LINC00632: variants seen among roughly 807,000 people sequenced by gnomAD.
LINC00632 encodes long independently transcribed non-coding RNA 632.
chrX:140,743,546 G>A (rs1186992779), intron 3 of LINC00632, among the ~76,000 whole-genome samples: 3 of 110,599 alleles, frequency 2.7e-5, no homozygotes, highest in African/African-American at 9.9e-5. Flanking sequence ...AACATGAGTT[G>A]CGTGTGAATT....
intron 3 of LINC00632, among the ~76,000 whole-genome samples, chrX:140,767,699 T>TGGGA (rs1412069863): frequency 9.0e-6 from 1 of 111,633 alleles, no homozygotes; most frequent in Non-Finnish European, 1.9e-5. Flanking sequence ...ACAGAACCAA[T>TGGGA]GGGATAGCTA....
chrX:140,735,079 TAAGTG>T (rs1931121947), intron 3 of LINC00632, among the ~76,000 whole-genome samples: 1 of 111,286 alleles, frequency 9.0e-6, no homozygotes, highest in Non-Finnish European at 1.9e-5. Context: ...ATACATCTCT[TAAGTG>T]AATATGATTT....
intron 3 of LINC00632, among the ~76,000 whole-genome samples, chrX:140,736,436 CTT>C (rs748293491): frequency 1.0e-3 from 50 of 50,042 alleles, no homozygotes; most frequent in Non-Finnish European, 1.2e-3. Context: ...TCTTCTTCTT[CTT>C]TTTTTTTTTT....
At chrX:140,757,542 C>T (rs1931514922) in intron 3 of LINC00632, among the ~76,000 whole-genome samples, 1 of 111,176 alleles carries the variant, frequency 9.0e-6, no homozygotes, top group African/African-American at 3.3e-5. Flanking sequence ...TGCTTATGAG[C>T]TGTGTGACTT....
intron 3 of LINC00632, among the ~76,000 whole-genome samples, chrX:140,742,880 G>GA (rs1931256070): frequency 3.2e-5 from 2 of 61,867 alleles, no homozygotes; most frequent in African/African-American, 7.6e-5. Flanking sequence ...AGAGAGAGAG[G>GA]AAGGAAGGAA....
intron 3 of LINC00632, among the ~76,000 whole-genome samples, chrX:140,748,591 A>G (rs1931362900): frequency 9.0e-6 from 1 of 110,645 alleles, no homozygotes; most frequent in Non-Finnish European, 1.9e-5. Flanking sequence ...GCTATCTACC[A>G]TCAAACAGGA....
chrX:140,762,669 G>C (rs926255394), intron 3 of LINC00632, among the ~76,000 whole-genome samples: 17 of 112,066 alleles, frequency 1.5e-4, no homozygotes, highest in African/African-American at 5.5e-4. Flanking sequence ...AAACTATTCA[G>C]CTTTGCCACT....
exon 5 of LINC00632, among the ~76,000 whole-genome samples, chrX:140,789,874 T>C (rs1041220542): frequency 1.8e-5 from 2 of 111,148 alleles, no homozygotes; most frequent in South Asian, 3.8e-4. Context: ...ATATTGCAAA[T>C]GTTTATCATT....
chrX:140,758,152 C>T (rs1479344181), intron 3 of LINC00632, among the ~76,000 whole-genome samples: 3 of 110,693 alleles, frequency 2.7e-5, no homozygotes, highest in Non-Finnish European at 5.7e-5. Context: ...ATAATATAAG[C>T]ATTTTAACCT....
intron 3 of LINC00632, among the ~76,000 whole-genome samples, chrX:140,765,678 T>C (rs1414806546): frequency 1.8e-5 from 2 of 110,793 alleles, no homozygotes; most frequent in Non-Finnish European, 1.9e-5. Context: ...GGAAGCACCA[T>C]TTACCTCTCC....
rs181624501 is a variant in LINC00632 at position 140,716,742 on chromosome X, G to A, written n.104+5086G>A. ...CAGACTGGAAGCCAGGCTGTGTGTT[G>A]TACCCAACCTCACCCCACAAGGCAC... On this transcript the variant is annotated intron_variant and non_coding_transcript_variant, in intron 2 of 4. Transcript: ENST00000648200. 7.5e-3 allele frequency among the ~76,000 whole-genome samples: 782 copies of A among 104,930 alleles called. 4 individuals carry two copies. The highest frequency in any genetic ancestry group is 0.032 in the South Asian group (72 of 2,260). The allele number at this position is 104,930 out of a possible 115,157, so 91.1% of individuals were successfully genotyped here.
exon 5 of LINC00632, among the ~76,000 whole-genome samples, chrX:140,778,349 G>A (rs1355848477): frequency 1.8e-5 from 2 of 112,363 alleles, no homozygotes; most frequent in Non-Finnish European, 3.8e-5. Flanking sequence ...GCTCACGCCT[G>A]TAATCCCAGC....
chrX:140,764,572 G>T (rs909680053), intron 3 of LINC00632: 2 of 112,432 alleles, frequency 1.8e-5, no homozygotes, highest in Non-Finnish European at 3.8e-5. Context: ...GAGAGCAGCC[G>T]GGTGACAACG....
At chrX:140,734,625 C>A (rs1446369956) in intron 3 of LINC00632, among the ~76,000 whole-genome samples, 2 of 110,704 alleles carry the variant, frequency 1.8e-5, no homozygotes, top group African/African-American at 6.6e-5. Context: ...AAAAAAATTT[C>A]TGTGACTCTA....
Position 140,716,639 on chromosome X carries a change from T to C in LINC00632, n.104+4983T>C, listed in dbSNP as rs1930634288. Among the ~76,000 whole-genome samples the C allele has an allele frequency of 2.7e-5, 3 of 109,606 alleles. No individual in the cohort carries two copies. In the Admixed American group the frequency reaches 2.9e-4, roughly 11 times the overall value. On this transcript the variant is annotated intron_variant and non_coding_transcript_variant, in intron 2 of 4. Coordinates refer to ENST00000648200, the Ensembl canonical transcript of LINC00632. ...TACAGACCAGAACCCTAACCAGATA[T>C]CACTCACAACACACAGAATTGCATC...
intron 3 of LINC00632, chrX:140,764,815 C>T (rs1467305948): frequency 1.8e-5 from 2 of 111,470 alleles, no homozygotes; most frequent in African/African-American, 6.5e-5. Flanking sequence ...GAGCCCACCT[C>T]TGCGACCTCC....
At chrX:140,737,354 AT>A (rs1352848482) in intron 3 of LINC00632, among the ~76,000 whole-genome samples, 6 of 111,882 alleles carry the variant, frequency 5.4e-5, no homozygotes, top group African/African-American at 1.9e-4. Flanking sequence ...ACATTTGTAC[AT>A]ACTTATGAGG....
exon 5 of LINC00632, among the ~76,000 whole-genome samples, chrX:140,775,079 T>A (rs1487543800): frequency 8.9e-6 from 1 of 111,978 alleles, no homozygotes; most frequent in Non-Finnish European, 1.9e-5. Context: ...AATTTCCAGA[T>A]TTCCTTTGGT....
At chrX:140,762,757 G>A (rs1931623070) in intron 3 of LINC00632, among the ~76,000 whole-genome samples, 1 of 112,085 alleles carries the variant, frequency 8.9e-6, no homozygotes, top group African/African-American at 3.2e-5. Flanking sequence ...TATGGACACC[G>A]AATTTTGAAA....
Sources: allele counts gnomAD v4.1 joint callset (sites outside exome capture counted in the v4.1 genomes callset), GRCh38; gene constraint gnomAD v4.1.1; transcripts MANE v1.5; gene names NCBI Gene and HGNC (gene_info 2026-07-23, HGNC 2026-07-21).